The following LRRC7 variants were observed in gnomAD, a reference collection of about 807,000 sequenced individuals.
LRRC7 encodes the protein leucine rich repeat containing 7.
Under a neutral mutation model 175.7 loss-of-function variants are expected in LRRC7, and 23 were observed. That is an observed-to-expected ratio of 0.13 (90% CI 0.09 to 0.19). LRRC7 has a LOEUF of 0.19. Ranked by LOEUF, LRRC7 falls within the 10% of genes least tolerant of loss-of-function variation. LRRC7 has a pLI of 1.00. For synonymous variants in LRRC7, 685 were observed against 680.9 expected (o/e 1.01, Z -0.09); for missense variants, 1,354 against 1,904.7 (o/e 0.71, Z 5.38).
intron 5 of LRRC7, among the ~76,000 whole-genome samples, chr1:69,831,922 A>C (rs1184535724): frequency 2.0e-5 from 3 of 152,160 alleles, no homozygotes; most frequent in Non-Finnish European, 4.4e-5. Flanking sequence ...GAAGATAAAA[A>C]ATTGTTCTGT....
intron 1 of LRRC7, among the ~76,000 whole-genome samples, chr1:69,632,025 T>G (rs2066296): frequency 0.27 from 40,613 of 152,050 alleles, 5,776 homozygotes; most frequent in East Asian, 0.36. Context: ...CAATACAGCC[T>G]CTTTTTAAAT....
chr1:69,908,285 T>C (rs1390533379), intron 7 of LRRC7, among the ~76,000 whole-genome samples: 2 of 152,240 alleles, frequency 1.3e-5, no homozygotes, highest in East Asian at 3.8e-4. Flanking sequence ...TGACTTTAGT[T>C]ATTTCTTGCC....
intron 1 of LRRC7, among the ~76,000 whole-genome samples, chr1:69,654,282 T>C (rs966675131): frequency 6.6e-6 from 1 of 152,060 alleles, no homozygotes; most frequent in Non-Finnish European, 1.5e-5. Context: ...CCTATGTCAT[T>C]GGTTTAATTA....
intron 7 of LRRC7, among the ~76,000 whole-genome samples, chr1:69,863,890 T>C (rs1210902806): frequency 1.3e-5 from 2 of 152,188 alleles, no homozygotes; most frequent in African/African-American, 4.8e-5. Flanking sequence ...AAAATGTTTC[T>C]ACACTCCTTA....
intron 21 of LRRC7, among the ~76,000 whole-genome samples, chr1:70,041,351 G>A (rs529768651): frequency 6.6e-6 from 1 of 152,306 alleles, no homozygotes; most frequent in African/African-American, 2.4e-5. Context: ...GGGTGTGGGT[G>A]TTAGTTTCTC....
intron 23 of LRRC7, among the ~76,000 whole-genome samples, chr1:70,063,942 C>G (rs1661774451): frequency 6.6e-6 from 1 of 152,006 alleles, no homozygotes; most frequent in African/African-American, 2.4e-5. Flanking sequence ...CTTTGTATAT[C>G]AGCCAGCTGC....
At chr1:69,794,357 C>T (rs1185181843) in intron 4 of LRRC7, among the ~76,000 whole-genome samples, 1 of 152,162 alleles carries the variant, frequency 6.6e-6, no homozygotes, top group Non-Finnish European at 1.5e-5. Context: ...CCTCTTTCTA[C>T]ACCAACTTGA....
chr1:69,617,532 G>GT (rs1649824689), intron 1 of LRRC7, among the ~76,000 whole-genome samples: 1 of 82,586 alleles, frequency 1.2e-5, no homozygotes, highest in African/African-American at 4.4e-5. Context: ...GCTGAAGGTT[G>GT]TTATATACTC....
intron 3 of LRRC7, among the ~76,000 whole-genome samples, chr1:69,769,494 T>C (rs1019589763): frequency 6.6e-6 from 1 of 152,178 alleles, no homozygotes; most frequent in African/African-American, 2.4e-5. Context: ...CTTAGTTCCA[T>C]GCACAAAAAT....
intron 26 of LRRC7, among the ~76,000 whole-genome samples, chr1:70,121,122 TAAAC>T (rs1398726357): frequency 2.0e-5 from 3 of 152,018 alleles, no homozygotes; most frequent in Non-Finnish European, 4.4e-5. Flanking sequence ...CAATGATTCT[TAAAC>T]AGAAGACAGC....
rs1014377572 is a variant in LRRC7, at chr1:69,595,203, T to C, written c.2+26562T>C. Among the ~76,000 whole-genome samples, 8 of 152,190 alleles carry C rather than the reference T, an allele frequency of 5.3e-5. No homozygotes were observed. The South Asian group carries it at 1.7e-3, about 32-fold the overall frequency. ...TTGAGAGGCTAAAGCAGGTGGACCA[T>C]GAGGTCAAGAGATCGAGACCATCCT... On this transcript the variant is annotated intron_variant, in intron 1 of 26. Transcript: ENST00000651989.
intron 1 of LRRC7, among the ~76,000 whole-genome samples, chr1:69,653,958 G>A (rs865888073): frequency 1.3e-5 from 2 of 152,004 alleles, no homozygotes; most frequent in African/African-American, 2.4e-5. Flanking sequence ...GAGTTGAGAG[G>A]AGGAGAAAAT....
At chr1:69,792,376 G>T (rs1394052489) in intron 4 of LRRC7, among the ~76,000 whole-genome samples, 1 of 151,984 alleles carries the variant, frequency 6.6e-6, no homozygotes, top group Non-Finnish European at 1.5e-5. Context: ...TTCAAGTCTT[G>T]TTTCCCTCTG....
chr1:69,846,531 A>AACGTAG (rs1682392695), intron 7 of LRRC7, among the ~76,000 whole-genome samples: 1 of 152,108 alleles, frequency 6.6e-6, no homozygotes, highest in African/African-American at 2.4e-5. Context: ...TCTCTAGTGG[A>AACGTAG]ACAATTAGCT....
intron 7 of LRRC7, among the ~76,000 whole-genome samples, chr1:69,880,882 A>G (rs1350875137): frequency 1.3e-5 from 2 of 152,194 alleles, no homozygotes; most frequent in Non-Finnish European, 1.5e-5. Flanking sequence ...AGACACAGCC[A>G]TGTTCAAAGC....
At chr1:69,625,531 T>A (rs2100342609) in intron 1 of LRRC7, among the ~76,000 whole-genome samples, 1 of 151,650 alleles carries the variant, frequency 6.6e-6, no homozygotes, top group South Asian at 2.1e-4. Context: ...TTTAATTTAC[T>A]GTTATTCTTA....
Position 70,144,009 on chromosome 1 carries a change from A to C in LRRC7, c.*22122A>C, listed in dbSNP as rs921022908. On this transcript the variant is annotated 3_prime_UTR_variant, in exon 27 of 27. Coordinates refer to ENST00000651989, the MANE Select transcript of LRRC7 (RefSeq NM_001370785.2). ...TTTTTTTGCAGTATGAGACCATAAC[A>C]ACCTTGAAAGCTGCTTCATTTTATG... is the stretch of plus-strand genomic sequence containing the variant. 5 of 152,200 alleles carry C rather than the reference A, an allele frequency of 3.3e-5. No individual in the cohort carries two copies. Among genetic ancestry groups the C allele is most frequent in the African/African-American group, 9.6e-5 (4 of 41,456 alleles). 9.4% of individuals were successfully genotyped at this position (152,200 alleles called of 1,614,324 possible).
At chr1:69,712,341 C>T (rs1258322481) in intron 2 of LRRC7, among the ~76,000 whole-genome samples, 3 of 152,152 alleles carry the variant, frequency 2.0e-5, no homozygotes, top group Non-Finnish European at 2.9e-5. Flanking sequence ...GCAGTGGCTA[C>T]GCCTGTAATC....
At chr1:70,111,130 C>A (rs575680998) in intron 26 of LRRC7, among the ~76,000 whole-genome samples, 1 of 152,130 alleles carries the variant, frequency 6.6e-6, no homozygotes, top group South Asian at 2.1e-4. Context: ...TAGCAAATAG[C>A]AAAAGATATA....
Sources: allele counts gnomAD v4.1 joint callset (sites outside exome capture counted in the v4.1 genomes callset), GRCh38; gene constraint gnomAD v4.1.1; transcripts MANE v1.5; gene names NCBI Gene and HGNC (gene_info 2026-07-23, HGNC 2026-07-21).